The following UBR3 variants were observed in gnomAD, a reference collection of about 807,000 sequenced individuals.
The protein encoded by UBR3 is E3 ubiquitin-protein ligase UBR3.
Under a neutral mutation model 243.2 loss-of-function variants are expected in UBR3, and 85 were observed. That is an observed-to-expected ratio of 0.35 (90% CI 0.29 to 0.42). UBR3 has a LOEUF of 0.42. UBR3 is among the 10% of genes least tolerant of loss of function. The pLI is 1.00. For synonymous variants in UBR3, 748 were observed against 799.8 expected (o/e 0.94, Z 1.09); for missense variants, 1,686 against 2,300.8 (o/e 0.73, Z 5.47).
At chr2:169,881,959 C>CATATGTAATT (rs2083875362) in intron 5 of UBR3, among the ~76,000 whole-genome samples, 1 of 96,644 alleles carries the variant, frequency 1.0e-5, no homozygotes, top group Non-Finnish European at 2.2e-5. Flanking sequence ...TGTATGTATA[C>CATATGTAATT]ATACATATGT....
intron 31 of UBR3, among the ~76,000 whole-genome samples, chr2:170,031,803 G>T (rs76572730): frequency 6.6e-6 from 1 of 151,888 alleles, no homozygotes; most frequent in Admixed American, 6.6e-5. Flanking sequence ...GCATTAATTC[G>T]CTTAGGATCA....
At chr2:169,948,921 C>A (rs1028736776) in intron 22 of UBR3, among the ~76,000 whole-genome samples, 11 of 151,468 alleles carry the variant, frequency 7.3e-5, no homozygotes, top group Admixed American at 2.0e-4. Flanking sequence ...AAAAAAAAAA[C>A]TGTTCAAAAA....
intron 24 of UBR3, among the ~76,000 whole-genome samples, chr2:169,972,470 A>G (rs1295633975): frequency 6.6e-6 from 1 of 152,210 alleles, no homozygotes; most frequent in African/African-American, 2.4e-5. Context: ...AAAAAAGAGA[A>G]TTTTAGATCA....
At position 169,845,584 on chromosome 2, in the gene UBR3, CTTCT is replaced by C. The variant is rs570760373; in HGVS notation, c.545+17535_545+17538del. 1.8e-3 allele frequency among the ~76,000 whole-genome samples: 262 copies of C among 144,718 alleles called. 2 individuals are homozygous for C. The highest frequency in any genetic ancestry group is 6.5e-3 in the African/African-American group (258 of 39,556). 94.9% of individuals were successfully genotyped at this position (144,718 alleles called of 152,430 possible). A position where few individuals can be genotyped will look rare whatever the true frequency, so the allele number is the denominator to read the frequency against. On this transcript the variant is annotated intron_variant, in intron 1 of 38. Transcript: ENST00000272793. ...TTCTTCTTCTTCTTTCTTCTTTCTTCTTCTTTTTCTTTTTTTTGAGATGGGGTCT... is the reference window on the plus strand; with the variant it reads ...TTCTTCTTCTTCTTTCTTCTTTCTTCTTTTCTTTTTTTTGAGATGGGGTCT...
At chr2:169,943,974 T>TA (rs1386316653) in intron 20 of UBR3, among the ~76,000 whole-genome samples, 2 of 152,200 alleles carry the variant, frequency 1.3e-5, no homozygotes, top group Admixed American at 6.5e-5. Flanking sequence ...GTTTTCCTGT[T>TA]ACGATTTTGG....
intron 1 of UBR3, among the ~76,000 whole-genome samples, chr2:169,858,955 A>G (rs2082986576): frequency 6.6e-6 from 1 of 152,070 alleles, no homozygotes; most frequent in Non-Finnish European, 1.5e-5. Context: ...GATTTTTTAC[A>G]AAAAGTCTCC....
chr2:169,922,859 TATC>T (rs1456605591), intron 11 of UBR3, among the ~76,000 whole-genome samples: 1 of 152,206 alleles, frequency 6.6e-6, no homozygotes, highest in Non-Finnish European at 1.5e-5. Flanking sequence ...AGGATATTAT[TATC>T]TTACTGGTTT....
intron 31 of UBR3, among the ~76,000 whole-genome samples, chr2:170,035,356 T>C (rs1208717594): frequency 6.6e-6 from 1 of 152,006 alleles, no homozygotes; most frequent in African/African-American, 2.4e-5. Context: ...CATAGGTCTT[T>C]GTCTAAATTC....
At chr2:169,963,889 A>G (rs965879515) in intron 24 of UBR3, among the ~76,000 whole-genome samples, 1 of 152,138 alleles carries the variant, frequency 6.6e-6, no homozygotes, top group Non-Finnish European at 1.5e-5. Context: ...CCTTGTTAAC[A>G]TTGTTCTGTA....
chr2:169,941,602 C>T lies in UBR3; in HGVS notation c.2664-891C>T, dbSNP rs527277283. ...GTACACATTCACCTAACTTTTATTA[C>T]AGTATATTGCTGTAATCTATTATCA... On this transcript the variant is annotated intron_variant, in intron 19 of 38. Transcript: ENST00000272793. Among the ~76,000 whole-genome samples, 4 of 152,290 alleles carry T rather than the reference C, an allele frequency of 2.6e-5. No homozygotes were observed. The South Asian group carries it at 8.3e-4, about 32-fold the overall frequency.
At chr2:170,004,110 A>G (rs1250176028) in intron 27 of UBR3, among the ~76,000 whole-genome samples, 3 of 152,246 alleles carry the variant, frequency 2.0e-5, no homozygotes, top group African/African-American at 7.2e-5. Flanking sequence ...AAGCAGAAAT[A>G]TAAAATGTCC....
At chr2:169,958,399 C>T (rs775687870) in intron 23 of UBR3, 39 bp from the exon 24 acceptor site, 13 of 1,580,382 alleles carry the variant, frequency 8.2e-6, no homozygotes, top group South Asian at 3.4e-5. Flanking sequence ...AGGTCTTAAG[C>T]GCATCTGATA....
chr2:169,983,101 G>A (rs2088816917), intron 24 of UBR3, among the ~76,000 whole-genome samples: 1 of 152,014 alleles, frequency 6.6e-6, no homozygotes, highest in African/African-American at 2.4e-5. Flanking sequence ...GCGAGAGAGA[G>A]AAACTATGCA....
chr2:169,872,585 C>T (rs991021588), intron 2 of UBR3, among the ~76,000 whole-genome samples: 1 of 152,038 alleles, frequency 6.6e-6, no homozygotes, highest in African/African-American at 2.4e-5. Flanking sequence ...GTGCTTTCTG[C>T]TTCCGGGGTC....
intron 24 of UBR3, among the ~76,000 whole-genome samples, chr2:169,960,414 C>T (rs1421062513): frequency 1.3e-5 from 2 of 151,318 alleles, no homozygotes; most frequent in East Asian, 1.9e-4. Flanking sequence ...ACTAATGGTC[C>T]CAAGCGTTTC....
At chr2:169,995,401 A>AG in intron 26 of UBR3, among the ~76,000 whole-genome samples, 1 of 152,296 alleles carries the variant, frequency 6.6e-6, no homozygotes, top group South Asian at 2.1e-4. Flanking sequence ...CATTTATTTC[A>AG]GTGTTTCGTA....
At chr2:170,073,862 A>G (rs908751565) in intron 36 of UBR3, among the ~76,000 whole-genome samples, 2 of 152,232 alleles carry the variant, frequency 1.3e-5, no homozygotes, top group African/African-American at 4.8e-5. Context: ...TTAAGTAATC[A>G]TAGGATTAGA....
chr2:170,043,736 T>C (rs559466249), intron 32 of UBR3, among the ~76,000 whole-genome samples: 11 of 152,302 alleles, frequency 7.2e-5, no homozygotes, highest in Non-Finnish European at 1.5e-4. Context: ...ACTTCACCCT[T>C]GGGGAGCCAA....
At chr2:169,927,575 GTT>G (rs5836254) in intron 17 of UBR3, among the ~76,000 whole-genome samples, 170 bp downstream of exon 17, 99,695 of 146,106 alleles carry the variant, frequency 0.68, 34,762 homozygotes, top group East Asian at 0.87. Context: ...CCTGGTGACT[GTT>G]TTTTTTTTTT....
Sources: allele counts gnomAD v4.1 joint callset (sites outside exome capture counted in the v4.1 genomes callset), GRCh38; gene constraint gnomAD v4.1.1; transcripts MANE v1.5; gene names NCBI Gene and HGNC (gene_info 2026-07-23, HGNC 2026-07-21).